Variants in MRPS28 observed in about 807,000 individuals in gnomAD.
The protein encoded by MRPS28 is mitochondrial ribosomal protein S28.
MRPS28 carries 7 observed loss-of-function variants against 10.8 expected under a neutral mutation model. The observed-to-expected ratio is 0.65, with a 90% CI of 0.37 to 1.22. The LOEUF (loss-of-function observed/expected upper bound fraction) is 1.22, where lower values mean the gene tolerates loss of function less well. Ranked by LOEUF, MRPS28 falls within the 50% of genes most tolerant of loss-of-function variation. The pLI is 0.02. For missense variants in MRPS28, 265 were observed against 232.9 expected, an observed-to-expected ratio of 1.14 and a Z score of -0.90; for synonymous variants, 121 against 93.3, an observed-to-expected ratio of 1.30 and a Z score of -1.71.
chr8:80,011,769 AAAAACAAAAAACAAAAC>A (rs1338741927), intron 1 of MRPS28, among the ~76,000 whole-genome samples: 1 of 152,112 alleles, frequency 6.6e-6, no homozygotes, highest in Non-Finnish European at 1.5e-5. Flanking sequence ...AACAAAAAAC[AAAAACAAAAAACAAAAC>A]AAAACAAAAA....
intron 2 of MRPS28, among the ~76,000 whole-genome samples, chr8:79,920,052 G>C (rs1389012473): frequency 6.6e-6 from 1 of 150,544 alleles, no homozygotes; most frequent in Non-Finnish European, 1.5e-5. Flanking sequence ...TTGGTTTTTT[G>C]TCCTTACGAT....
chr8:80,030,081 C>T lies in MRPS28; in HGVS notation c.168G>A (p.Leu56=), dbSNP rs201370503. 33 of 1,610,480 alleles carry T rather than the reference C, an allele frequency of 2.0e-5. No individual in the cohort carries two copies. The East Asian group carries it at 7.1e-4, about 35-fold the overall frequency. ...KTRAGGFASA[L]ERHSELLQKV... The stretch of plus-strand genomic sequence containing the variant: ...TCTGTAGAAGCTCCGAGTGCCGCTC[C>T]AACGCGCTCGCGAAACCGCCTGCGC... Residue 56 remains leucine (L), a synonymous_variant, in exon 1 of 3, where the codon TTG becomes TTA. Transcript: ENST00000276585.
intron 2 of MRPS28, among the ~76,000 whole-genome samples, chr8:79,984,229 G>T (rs1382308695): frequency 2.0e-5 from 3 of 152,218 alleles, no homozygotes; most frequent in African/African-American, 7.2e-5. Flanking sequence ...AATGCTGAGA[G>T]ATTTTGTCAC....
chr8:80,000,871 T>C (rs1808643361), intron 2 of MRPS28, among the ~76,000 whole-genome samples: 1 of 152,230 alleles, frequency 6.6e-6, no homozygotes, highest in African/African-American at 2.4e-5. Flanking sequence ...GCATTCTGAA[T>C]ATATTATGTT....
At chr8:80,007,526 T>C (rs887340347) in intron 1 of MRPS28, among the ~76,000 whole-genome samples, 5 of 152,306 alleles carry the variant, frequency 3.3e-5, no homozygotes, top group East Asian at 1.9e-4. Flanking sequence ...GAAAACCCCA[T>C]CATCTCAGCC....
intron 2 of MRPS28, among the ~76,000 whole-genome samples, chr8:79,993,216 C>A (rs1237630283): frequency 6.6e-6 from 1 of 152,154 alleles, no homozygotes; most frequent in African/African-American, 2.4e-5. Flanking sequence ...ACCTTCAAAG[C>A]TTTTGTGGGA....
intron 2 of MRPS28, among the ~76,000 whole-genome samples, chr8:79,968,733 A>C (rs1180815370): frequency 6.6e-6 from 1 of 151,580 alleles, no homozygotes; most frequent in African/African-American, 2.4e-5. Context: ...AAAAAAAAAG[A>C]ATCAGTTCAA....
intron 1 of MRPS28, among the ~76,000 whole-genome samples, chr8:80,027,570 G>C (rs1279053914): frequency 6.6e-6 from 1 of 152,244 alleles, no homozygotes; most frequent in Non-Finnish European, 1.5e-5. Flanking sequence ...CATTAAGTCT[G>C]ATTATAGAGC....
rs146944978 is a variant in MRPS28, at chr8:79,951,894, G to A, written c.396-32746C>T. ...AAATATTACAAAAAGGAGGATCCAC[G>A]GTTTTTATCACAACACAATCACAAC... On this transcript the variant is annotated intron_variant, in intron 2 of 2. Coordinates refer to ENST00000276585, the MANE Select transcript of MRPS28 (RefSeq NM_014018.3). Among the ~76,000 whole-genome samples the A allele has an allele frequency of 1.4e-3, 208 of 152,194 alleles. 1 individual carries two copies. Among genetic ancestry groups the A allele is most frequent in the African/African-American group, 4.8e-3 (198 of 41,532 alleles).
intron 2 of MRPS28, among the ~76,000 whole-genome samples, chr8:79,928,452 T>C (rs1363062703): frequency 6.6e-6 from 1 of 151,686 alleles, no homozygotes; most frequent in South Asian, 2.1e-4. Context: ...TATATATATA[T>C]ATATTTTTTG....
At chr8:79,994,333 C>A (rs1297087127) in intron 2 of MRPS28, among the ~76,000 whole-genome samples, 1 of 152,068 alleles carries the variant, frequency 6.6e-6, no homozygotes, top group Admixed American at 6.6e-5. Flanking sequence ...AGTATTATGA[C>A]CTTGAATGGA....
intron 2 of MRPS28, among the ~76,000 whole-genome samples, chr8:79,982,183 G>A (rs1442437819): frequency 6.6e-5 from 10 of 152,156 alleles, no homozygotes; most frequent in Non-Finnish European, 2.9e-5. Flanking sequence ...GGAGGCAGAG[G>A]TTGCAGTGAG....
rs114950169 is a variant in MRPS28, at chr8:79,949,466, C to A, written c.396-30318G>T. On this transcript the variant is annotated intron_variant, in intron 2 of 2. Transcript: ENST00000276585. ...AAAACAAAACTAATCTGCTTTTGGGCGAAGCCTAGTATTTAATAAAATATA... is the reference window on the plus strand; with the variant it reads ...AAAACAAAACTAATCTGCTTTTGGGAGAAGCCTAGTATTTAATAAAATATA... 5.5e-3 allele frequency among the ~76,000 whole-genome samples: 830 copies of A among 150,812 alleles called. 8 individuals are homozygous for A. Among genetic ancestry groups the A allele is most frequent in the African/African-American group, 0.019 (801 of 41,230 alleles).
intron 2 of MRPS28, among the ~76,000 whole-genome samples, chr8:79,953,254 C>G (rs965433823): frequency 2.6e-5 from 4 of 152,190 alleles, no homozygotes; most frequent in Non-Finnish European, 5.9e-5. Flanking sequence ...ACAGTTCTCA[C>G]TGTTGCTGCA....
chr8:79,945,214 T>C (rs1037644868), intron 2 of MRPS28, among the ~76,000 whole-genome samples: 1 of 152,146 alleles, frequency 6.6e-6, no homozygotes. Context: ...TATAATTTAT[T>C]AGGGAAAATA....
intron 2 of MRPS28, among the ~76,000 whole-genome samples, chr8:80,001,710 T>G (rs557992415): frequency 6.6e-6 from 1 of 152,322 alleles, no homozygotes; most frequent in African/African-American, 2.4e-5. Flanking sequence ...ATTCAAGTCA[T>G]GCTCAAGCCA....
intron 2 of MRPS28, among the ~76,000 whole-genome samples, chr8:79,944,891 C>G (rs1472944904): frequency 6.6e-6 from 1 of 151,882 alleles, no homozygotes; most frequent in South Asian, 2.1e-4. Flanking sequence ...GATGGGATCT[C>G]GCCATGTTGT....
intron 1 of MRPS28, among the ~76,000 whole-genome samples, chr8:80,010,133 C>A (rs937448162): frequency 1.3e-5 from 2 of 151,990 alleles, no homozygotes; most frequent in Admixed American, 6.6e-5. Flanking sequence ...TTTTTTCTTA[C>A]AAAAATTTTT....
chr8:80,020,339 C>A (rs1006805800), intron 1 of MRPS28, among the ~76,000 whole-genome samples: 1 of 152,164 alleles, frequency 6.6e-6, no homozygotes, highest in Non-Finnish European at 1.5e-5. Context: ...CTGGCTCCCC[C>A]TTCCCATCAC....
Sources: allele counts gnomAD v4.1 joint callset (sites outside exome capture counted in the v4.1 genomes callset), GRCh38; gene constraint gnomAD v4.1.1; transcripts MANE v1.5; gene names NCBI Gene and HGNC (gene_info 2026-07-23, HGNC 2026-07-21).